EPHB2: variants seen among roughly 807,000 people sequenced by gnomAD.
The protein encoded by EPHB2 is EPH receptor B2, also known as ephrin type-B receptor 2.
In EPHB2, 18 loss-of-function variants were observed where a neutral mutation model predicts 96.4. The ratio of observed to expected loss-of-function variants is 0.19; its 90% CI spans 0.13 to 0.28. The LOEUF is 0.28. Ranked by LOEUF, EPHB2 falls within the 10% of genes least tolerant of loss-of-function variation. The probability of loss-of-function intolerance (pLI) is 1.00; values close to 1 mark genes in which losing one functional copy is unlikely to be tolerated. For synonymous variants in EPHB2, 506 were observed against 534.1 expected, an observed-to-expected ratio of 0.95 and a Z score of 0.72; for missense variants, 989 against 1,355.4, an observed-to-expected ratio of 0.73 and a Z score of 4.25.
chr1:22,867,554 C>T (rs1638519400), intron 5 of EPHB2, among the ~76,000 whole-genome samples: 1 of 152,084 alleles, frequency 6.6e-6, no homozygotes, highest in South Asian at 2.1e-4. Flanking sequence ...AGGGAGCTGA[C>T]TCAAAGGAGG....
chr1:22,755,338 C>T (rs1311651197), intron 1 of EPHB2, among the ~76,000 whole-genome samples: 3 of 152,148 alleles, frequency 2.0e-5, no homozygotes. Context: ...TCTGTTTATG[C>T]TCACTTTGAC....
chr1:22,807,744 A>G (rs1436325845), intron 3 of EPHB2, among the ~76,000 whole-genome samples: 1 of 152,202 alleles, frequency 6.6e-6, no homozygotes, highest in Non-Finnish European at 1.5e-5. Flanking sequence ...TTGCAGGGAG[A>G]GGTGGAACAT....
intron 3 of EPHB2, among the ~76,000 whole-genome samples, chr1:22,833,659 A>G (rs970676382): frequency 6.6e-6 from 1 of 152,218 alleles, no homozygotes; most frequent in Admixed American, 6.5e-5. Flanking sequence ...AGCAAATACA[A>G]TCAATTCCAC....
At chr1:22,745,463 A>G (rs1310066608) in intron 1 of EPHB2, among the ~76,000 whole-genome samples, 1 of 152,266 alleles carries the variant, frequency 6.6e-6, no homozygotes. Context: ...TGATGAGGAC[A>G]GGACACGAGG....
At chr1:22,720,463 C>T (rs537724364) in intron 1 of EPHB2, among the ~76,000 whole-genome samples, 10 of 152,266 alleles carry the variant, frequency 6.6e-5, no homozygotes, top group African/African-American at 2.2e-4. Flanking sequence ...CCCCTGCACC[C>T]TGTTGTTGTC....
intron 1 of EPHB2, among the ~76,000 whole-genome samples, chr1:22,776,799 C>T (rs1349555493): frequency 6.6e-6 from 1 of 152,184 alleles, no homozygotes; most frequent in Non-Finnish European, 1.5e-5. Flanking sequence ...TTAATGTTGT[C>T]TGTATGAAAG....
chr1:22,865,973 C>A (rs892213805), intron 5 of EPHB2, among the ~76,000 whole-genome samples: 3 of 152,026 alleles, frequency 2.0e-5, no homozygotes, highest in African/African-American at 7.2e-5. Flanking sequence ...TGCCGGCCAC[C>A]ACAGTCTCCC....
At chr1:22,903,336 G>T (rs1639808767) in intron 9 of EPHB2, among the ~76,000 whole-genome samples, 1 of 152,242 alleles carries the variant, frequency 6.6e-6, no homozygotes, top group South Asian at 2.1e-4. Flanking sequence ...AAGAACCACA[G>T]GGCATGCATT....
intron 1 of EPHB2, among the ~76,000 whole-genome samples, chr1:22,753,732 G>A (rs1007882159): frequency 1.3e-5 from 2 of 152,216 alleles, no homozygotes; most frequent in African/African-American, 4.8e-5. Context: ...AGCTTGACAA[G>A]GTTAAGGATC....
intron 9 of EPHB2, among the ~76,000 whole-genome samples, chr1:22,898,950 G>A (rs1394971590): frequency 1.3e-5 from 2 of 152,012 alleles, no homozygotes; most frequent in South Asian, 2.1e-4. Flanking sequence ...GGTGGCTCAC[G>A]CCTGTAATCC....
In EPHB2 at chr1:22,860,313, A is replaced by T. The variant is rs1175439920; in HGVS notation, c.812-2724A>T. 6.6e-6 allele frequency among the ~76,000 whole-genome samples: 1 copy of T among 152,016 alleles called. No homozygotes were observed. The highest frequency in any genetic ancestry group is 1.5e-5 in the Non-Finnish European group (1 of 68,004). ...CCAGACCAGAGACTGCTGAGGAGGG[A>T]AGACCTAGTAATTGATTGGCTGTGG... On this transcript the variant is annotated intron_variant, in intron 3 of 15. Transcript: ENST00000374630. The surrounding 1 kb of genome is among the most constrained non-coding windows in gnomAD (Gnocchi z 4.6).
chr1:22,739,872 G>T (rs926619256), intron 1 of EPHB2, among the ~76,000 whole-genome samples: 2 of 152,210 alleles, frequency 1.3e-5, no homozygotes, highest in Non-Finnish European at 2.9e-5. Flanking sequence ...ACCTGACGCT[G>T]CGGAAAGTTG....
intron 1 of EPHB2, among the ~76,000 whole-genome samples, chr1:22,755,351 T>A (rs1206580572): frequency 6.6e-6 from 1 of 152,150 alleles, no homozygotes; most frequent in Non-Finnish European, 1.5e-5. Context: ...ACTTTGACTA[T>A]TTTTAAAAAC....
chr1:22,825,748 A>G lies in EPHB2; in HGVS notation c.812-37289A>G, dbSNP rs142451769. ...TCTGCCTTTTGCAAGGCAAAGCAGG[A>G]ACTAGCTGAGGAGGCAGTGGCTGCC... is the stretch of plus-strand genomic sequence containing the variant. On this transcript the variant is annotated intron_variant, in intron 3 of 15. Transcript: ENST00000374630. 2.0e-4 allele frequency among the ~76,000 whole-genome samples: 31 copies of G among 152,324 alleles called. No individual in the cohort carries two copies. The East Asian group carries it at 5.6e-3, about 28-fold the overall frequency.
chr1:22,861,754 G>A (rs1184281140), intron 3 of EPHB2, among the ~76,000 whole-genome samples: 1 of 152,118 alleles, frequency 6.6e-6, no homozygotes, highest in Non-Finnish European at 1.5e-5. Context: ...GCTAAGACTT[G>A]GACTGGGAAG....
rs935290332 is a variant in EPHB2 at position 22,906,509 on chromosome 1, A to T, written c.1889-201A>T. On this transcript the variant is annotated intron_variant, in intron 10 of 15. Transcript: ENST00000374630. This position sits in a 1 kb window ranked among gnomAD's most constrained non-coding sequence, Gnocchi z 4.8. ...GATAACCAGAGAACAACCATGAGGA[A>T]TTTACTGTCCTCTCCCAGAGGTGAC... Among the ~76,000 whole-genome samples the T allele has an allele frequency of 8.5e-5, 13 of 152,088 alleles. No individual in the cohort carries two copies. The highest frequency in any genetic ancestry group is 3.1e-4 in the African/African-American group (13 of 41,410).
At chr1:22,816,079 C>T (rs898335534) in intron 3 of EPHB2, among the ~76,000 whole-genome samples, 7 of 152,150 alleles carry the variant, frequency 4.6e-5, no homozygotes, top group Non-Finnish European at 8.8e-5. Context: ...GGGACTTAGA[C>T]CACCTGTGCT....
At chr1:22,816,216 G>A (rs964010764) in intron 3 of EPHB2, among the ~76,000 whole-genome samples, 7 of 152,096 alleles carry the variant, frequency 4.6e-5, no homozygotes, top group African/African-American at 1.7e-4. Context: ...CAGGGTGGAA[G>A]CCTGGCCTTC....
Position 22,913,705 on chromosome 1 carries a change from G to C in EPHB2, c.*135G>C. 1 of 1,602,446 alleles carries C rather than the reference G, an allele frequency of 6.2e-7. No individual in the cohort carries two copies. The highest frequency in any genetic ancestry group is 2.2e-5 in the East Asian group (1 of 44,526). ...CACGGGCCACGGGAAGAACCAAGCG[G>C]TGCCAGCCACGAGACGTCACCAAGA... On this transcript the variant is annotated 3_prime_UTR_variant, in exon 16 of 16. Transcript: ENST00000374630. This position sits in a 1 kb window ranked among gnomAD's most constrained non-coding sequence, Gnocchi z 4.1.
Sources: allele counts gnomAD v4.1 joint callset (sites outside exome capture counted in the v4.1 genomes callset), GRCh38; gene constraint gnomAD v4.1.1; non-coding constraint Gnocchi (gnomAD v3.1); transcripts MANE v1.5; gene names NCBI Gene and HGNC (gene_info 2026-07-23, HGNC 2026-07-21).